Variants in SPRED1 observed in about 807,000 individuals in gnomAD.
SPRED1 encodes sprouty related EVH1 domain containing 1.
In SPRED1, 18 loss-of-function variants were observed where a neutral mutation model predicts 52.3. The observed-to-expected ratio is 0.34, with a 90% CI of 0.24 to 0.51. The LOEUF is 0.51. SPRED1 is among the 20% of genes least tolerant of loss of function. SPRED1 has a pLI of 0.97. For synonymous variants in SPRED1, 155 were observed against 179.7 expected (o/e 0.86, Z 1.10); for missense variants, 485 against 551.0 (o/e 0.88, Z 1.20).
intron 1 of SPRED1, among the ~76,000 whole-genome samples, chr15:38,258,187 G>GT (rs1894139560): frequency 6.6e-6 from 1 of 152,150 alleles, no homozygotes; most frequent in Admixed American, 6.5e-5. Context: ...TATGATGTTG[G>GT]TGATGAAACA....
In SPRED1 at chr15:38,286,973, C is replaced by T. The variant is rs188841615; in HGVS notation, c.33-12400C>T. Reference sequence around the variant, plus strand: ...TATATTGCTACTTGTATTATATCTACAATCCTATTTAGATGGTGAACTTCT... The same window carrying T: ...TATATTGCTACTTGTATTATATCTATAATCCTATTTAGATGGTGAACTTCT... On this transcript the variant is annotated intron_variant, in intron 1 of 6. Coordinates refer to ENST00000299084, the MANE Select transcript of SPRED1 (RefSeq NM_152594.3). Among the ~76,000 whole-genome samples, 70 of 152,190 alleles carry T rather than the reference C, an allele frequency of 4.6e-4. No homozygotes were observed. In the East Asian group the frequency reaches 5.6e-3, roughly 12 times the overall value.
chr15:38,265,826 CGTGGGAGAGA>C (rs373840884), intron 1 of SPRED1, among the ~76,000 whole-genome samples: 104 of 151,970 alleles, frequency 6.8e-4, no homozygotes, highest in African/African-American at 2.4e-3. Flanking sequence ...AATCTATTTT[CGTGGGAGAGA>C]ATGGGAGAGG....
rs1388726497 is a variant in SPRED1 at position 38,263,972 on chromosome 15, G to C, written c.32+10755G>C. ...AGAAAATAAGAAGTGCTGAAGCAGA[G>C]AAGTCATAGAGTAGATGCTAGTCAT... On this transcript the variant is annotated intron_variant, in intron 1 of 6. Transcript: ENST00000299084. Among the ~76,000 whole-genome samples the C allele has an allele frequency of 7.2e-5, 11 of 152,230 alleles. No individual in the cohort carries two copies. In the East Asian group the frequency reaches 2.1e-3, roughly 29 times the overall value.
chr15:38,274,570 A>G (rs1022825545), intron 1 of SPRED1, among the ~76,000 whole-genome samples: 24 of 152,248 alleles, frequency 1.6e-4, no homozygotes, highest in Non-Finnish European at 2.9e-4. Flanking sequence ...AATGTTTTAC[A>G]TAGCCAAATC....
chr15:38,354,794 A>G lies in SPRED1; in HGVS notation c.*3130A>G, dbSNP rs1888575725. On this transcript the variant is annotated 3_prime_UTR_variant, in exon 7 of 7. Coordinates refer to ENST00000299084, the MANE Select transcript of SPRED1 (RefSeq NM_152594.3). ...ACTTAATGGATGTACTGAGGCATTT[A>G]TAGAACCAGTTGCTTTAACTCTCAA... 1 of 152,254 alleles carries G rather than the reference A, an allele frequency of 6.6e-6. No homozygotes were observed. Among genetic ancestry groups the G allele is most frequent in the African/African-American group, 2.4e-5 (1 of 41,472 alleles). The allele number at this position is 152,254 out of a possible 1,614,324, so 9.4% of individuals were successfully genotyped here.
chr15:38,295,446 C>T (rs921359718), intron 1 of SPRED1, among the ~76,000 whole-genome samples: 5 of 152,094 alleles, frequency 3.3e-5, no homozygotes, highest in East Asian at 1.9e-4. Flanking sequence ...TGTATCTAAA[C>T]GTCAGAAAGG....
intron 1 of SPRED1, among the ~76,000 whole-genome samples, chr15:38,285,359 G>A (rs1391081653): frequency 6.6e-6 from 1 of 152,170 alleles, no homozygotes; most frequent in Non-Finnish European, 1.5e-5. Flanking sequence ...TGCTGTGGTA[G>A]CACAGACTAC....
At chr15:38,343,687 GAC>G (rs907732741) in intron 5 of SPRED1, among the ~76,000 whole-genome samples, 3 of 152,058 alleles carry the variant, frequency 2.0e-5, no homozygotes, top group African/African-American at 7.2e-5. Flanking sequence ...ACTCAAGGTA[GAC>G]ACAGATTGTA....
intron 4 of SPRED1, among the ~76,000 whole-genome samples, chr15:38,330,928 A>G (rs188399305): frequency 6.6e-6 from 1 of 152,216 alleles, no homozygotes; most frequent in East Asian, 1.9e-4. Context: ...TAGTACCAGC[A>G]GAAGGGGTGC....
chr15:38,279,754 G>GGTAGTAGTA (rs1163156253), intron 1 of SPRED1, among the ~76,000 whole-genome samples: 1 of 152,038 alleles, frequency 6.6e-6, no homozygotes, highest in Non-Finnish European at 1.5e-5. Context: ...TAATATTAGT[G>GGTAGTAGTA]GTAGTAGTAG....
At chr15:38,346,138 G>A (rs1372087066) in intron 5 of SPRED1, among the ~76,000 whole-genome samples, 1 of 152,046 alleles carries the variant, frequency 6.6e-6, no homozygotes. Flanking sequence ...AGGCATTTGA[G>A]ACCACCTGGG....
At chr15:38,260,824 G>A (rs1238901065) in intron 1 of SPRED1, among the ~76,000 whole-genome samples, 1 of 152,122 alleles carries the variant, frequency 6.6e-6, no homozygotes, top group Non-Finnish European at 1.5e-5. Flanking sequence ...TTCTGCAATG[G>A]ACAGAAGCCC....
chr15:38,351,546 C>T lies in SPRED1; in HGVS notation c.1217C>T (p.Ala406Val), dbSNP rs748390368. 2.0e-5 allele frequency: 33 copies of T among 1,613,980 alleles called. No individual in the cohort carries two copies. Among genetic ancestry groups the T allele is most frequent in the Non-Finnish European group, 2.8e-5 (33 of 1,180,024 alleles). ...GACAAGTTCTGCTTGCGATGGTTAG[C>T]CCTGGTAGCTTTGTCTTTCATTGTA... ...SDDKFCLRWL[A>V]LVALSFIVPC... Residue 406 changes from alanine to valine, a missense_variant, in exon 7 of 7, where the codon GCC becomes GTC. By Grantham distance (64) the Ala-to-Val change is moderately conservative (BLOSUM62 0). Around this residue, in one of 5 missense-constraint regions of SPRED1, gnomAD observed 205 missense variants for 245.2 expected, o/e 0.84. Transcript: ENST00000299084.
chr15:38,343,504 C>G (rs1896069583), intron 5 of SPRED1, among the ~76,000 whole-genome samples: 1 of 152,066 alleles, frequency 6.6e-6, no homozygotes, highest in Non-Finnish European at 1.5e-5. Flanking sequence ...TACAGATTTG[C>G]TATTGAGACA....
chr15:38,321,856 A>T (rs1242303179), intron 2 of SPRED1, among the ~76,000 whole-genome samples: 1 of 152,170 alleles, frequency 6.6e-6, no homozygotes, highest in African/African-American at 2.4e-5. Context: ...CGGCCTCCCA[A>T]AGTGCTGGGA....
At chr15:38,290,483 A>G (rs80341080) in intron 1 of SPRED1, among the ~76,000 whole-genome samples, 3,169 of 152,274 alleles carry the variant, frequency 0.021, 46 homozygotes, top group Middle Eastern at 0.037. Flanking sequence ...TGTCTGCATT[A>G]TATAAACAGT....
intron 1 of SPRED1, among the ~76,000 whole-genome samples, chr15:38,289,265 C>T (rs1417652133): frequency 1.3e-5 from 2 of 151,542 alleles, no homozygotes; most frequent in African/African-American, 4.8e-5. Context: ...TTGCATTCCT[C>T]TTATTCTGAA....
At chr15:38,303,175 ACT>A (rs1304007404) in intron 2 of SPRED1, among the ~76,000 whole-genome samples, 53 of 147,718 alleles carry the variant, frequency 3.6e-4, no homozygotes, top group African/African-American at 1.3e-3. Flanking sequence ...ACAGAGCGAG[ACT>A]CTGTCTCAAA....
chr15:38,263,359 G>A lies in SPRED1; in HGVS notation c.32+10142G>A, dbSNP rs553923995. 7.2e-5 allele frequency among the ~76,000 whole-genome samples: 11 copies of A among 152,260 alleles called. No individual in the cohort carries two copies. The East Asian group carries it at 2.1e-3, about 29-fold the overall frequency. ...TAACTATAGGTTGAGTTCTCAAAAA[G>A]GTTAAGAGGGTAGAGTTATAGTGAC... On this transcript the variant is annotated intron_variant, in intron 1 of 6. Coordinates refer to ENST00000299084, the MANE Select transcript of SPRED1 (RefSeq NM_152594.3).
Sources: allele counts gnomAD v4.1 joint callset (sites outside exome capture counted in the v4.1 genomes callset), GRCh38; gene constraint gnomAD v4.1.1; regional missense constraint gnomAD v4.1.1; transcripts MANE v1.5; gene names NCBI Gene and HGNC (gene_info 2026-07-23, HGNC 2026-07-21).